The following CAMK2G variants were observed in gnomAD, a reference collection of about 807,000 sequenced individuals.
The protein encoded by CAMK2G is calcium/calmodulin dependent protein kinase II gamma.
CAMK2G carries 23 observed loss-of-function variants against 88.7 expected under a neutral mutation model. The ratio of observed to expected loss-of-function variants is 0.26; its 90% CI spans 0.19 to 0.37. The LOEUF is 0.37. CAMK2G is among the 10% of genes least tolerant of loss of function. The probability of loss-of-function intolerance (pLI) is 1.00; values close to 1 mark genes in which losing one functional copy is unlikely to be tolerated. For missense variants in CAMK2G, 476 were observed against 780.8 expected, an observed-to-expected ratio of 0.61 and a Z score of 4.65; for synonymous variants, 263 against 294.8, an observed-to-expected ratio of 0.89 and a Z score of 1.11.
At chr10:73,820,492 A>ATATATATATATATTTTT (rs1554995765) in intron 18 of CAMK2G, among the ~76,000 whole-genome samples, 1 of 51,052 alleles carries the variant, frequency 2.0e-5, no homozygotes, top group Non-Finnish European at 3.4e-5. Context: ...ATATATATAT[A>ATATATATATATATTTTT]TTTTTTTTTT....
chr10:73,819,064 A>C (rs1468816267), intron 19 of CAMK2G, among the ~76,000 whole-genome samples: 2 of 152,200 alleles, frequency 1.3e-5, no homozygotes, highest in Non-Finnish European at 2.9e-5. Flanking sequence ...TCTTGAAGGC[A>C]GTGTAGCTGG....
rs549348734 is a variant in CAMK2G at position 73,818,954 on chromosome 10, A to C, written c.1363+578T>G. On this transcript the variant is annotated intron_variant, in intron 19 of 22. Transcript: ENST00000423381. ...TCGAGGCACCGTATCAAGACTTCCT[A>C]CTGCCTTGTCTTTTATCTAACAAGG... The C allele has an allele frequency of 1.1e-4, 43 of 390,218 alleles. No individual in the cohort carries two copies. In the Middle Eastern group the frequency reaches 0.01, roughly 94 times the overall value. 24.2% of individuals were successfully genotyped at this position (390,218 alleles called of 1,614,324 possible).
intron 2 of CAMK2G, among the ~76,000 whole-genome samples, chr10:73,867,098 G>A (rs1445709499): frequency 6.6e-6 from 1 of 152,194 alleles, no homozygotes; most frequent in Non-Finnish European, 1.5e-5. Flanking sequence ...GGCCTGAAAT[G>A]GTCCCATGTG....
rs1424758078 is a variant in CAMK2G, at chr10:73,848,122, T to C, written c.602-40A>G. 1 of 1,252,236 alleles carries C rather than the reference T, an allele frequency of 8.0e-7. No homozygotes were observed. The highest frequency in any genetic ancestry group is 2.3e-5 in the East Asian group (1 of 43,142). The allele number at this position is 1,252,236 out of a possible 1,614,324, so 77.6% of individuals were successfully genotyped here. ...ACACAGGTCATGGGGGTCAGTCGCC[T>C]ACTTCCCTGAGGAACCAAGAAAAAC... is the stretch of plus-strand genomic sequence containing the variant. On this transcript the variant is annotated intron_variant, in intron 8 of 22. Coordinates refer to ENST00000423381, the MANE Select transcript of CAMK2G (RefSeq NM_001367534.1). The surrounding 1 kb of genome is among the most constrained non-coding windows in gnomAD (Gnocchi z 4.5).
chr10:73,830,764 T>C (rs764325279), intron 14 of CAMK2G, among the ~76,000 whole-genome samples: 5 of 152,162 alleles, frequency 3.3e-5, no homozygotes, highest in Non-Finnish European at 7.3e-5. Context: ...GGCATCCAGC[T>C]TCAAAGAAAT....
At chr10:73,850,261 T>C (rs1045556198) in intron 5 of CAMK2G, among the ~76,000 whole-genome samples, 4 of 152,194 alleles carry the variant, frequency 2.6e-5, no homozygotes, top group Middle Eastern at 3.2e-3. Context: ...CCTCTCAGTG[T>C]TGGGATTACA....
intron 1 of CAMK2G, among the ~76,000 whole-genome samples, chr10:73,873,947 C>A (rs948211467): frequency 8.7e-5 from 1 of 11,508 alleles, no homozygotes. Context: ...CCGCGGGGGG[C>A]GGGGCCGGGC....
rs532657434 is a variant in CAMK2G, at chr10:73,853,355, C to T, written c.221-109G>A. The T allele has an allele frequency of 4.3e-6, 4 of 940,978 alleles. No individual in the cohort carries two copies. In the East Asian group the frequency reaches 7.7e-5, roughly 18 times the overall value. 58.3% of individuals were successfully genotyped at this position (940,978 alleles called of 1,614,324 possible). A position where few individuals can be genotyped will look rare whatever the true frequency, so the allele number is the denominator to read the frequency against. Reference sequence around the variant, plus strand: ...CCCATCCTGTCGGGCTCACAGGGCTCTCCAGAAGGAGCAGTGGGGGGAAGT... The same window carrying T: ...CCCATCCTGTCGGGCTCACAGGGCTTTCCAGAAGGAGCAGTGGGGGGAAGT... On this transcript the variant is annotated intron_variant, in intron 3 of 22. Coordinates refer to ENST00000423381, the MANE Select transcript of CAMK2G (RefSeq NM_001367534.1).
chr10:73,824,190 C>T, intron 16 of CAMK2G, 106 bp from the exon 17 acceptor site: 3 of 774,286 alleles, frequency 3.9e-6, no homozygotes, highest in South Asian at 1.5e-5. Context: ...CTATGATGAC[C>T]ACTGAGGCCT....
chr10:73,866,329 C>T (rs2095591255), intron 2 of CAMK2G, among the ~76,000 whole-genome samples: 1 of 152,162 alleles, frequency 6.6e-6, no homozygotes, highest in Non-Finnish European at 1.5e-5. Context: ...GAACCACCTC[C>T]CCCTCTGGCC....
At chr10:73,873,271 C>A in intron 1 of CAMK2G, 188 bp from the exon 2 acceptor site, 1 of 1,190,866 alleles carries the variant, frequency 8.4e-7, no homozygotes, top group Non-Finnish European at 1.2e-6. Context: ...CCGCAGGACA[C>A]TGAACAGATG....
chr10:73,823,251 C>T (rs1222725196), intron 17 of CAMK2G, among the ~76,000 whole-genome samples: 2 of 150,820 alleles, frequency 1.3e-5, no homozygotes, highest in South Asian at 2.1e-4. Flanking sequence ...AGTCTCACTG[C>T]GTAGCCCAAG....
intron 10 of CAMK2G, among the ~76,000 whole-genome samples, chr10:73,845,793 T>A (rs559896468): frequency 6.6e-6 from 1 of 152,198 alleles, no homozygotes; most frequent in South Asian, 2.1e-4. Context: ...CCCCCATCCT[T>A]ACCCTCTGCT....
At chr10:73,817,169 TCTTC>T in intron 20 of CAMK2G, 52 bp from the exon 21 acceptor site, 1 of 1,552,826 alleles carries the variant, frequency 6.4e-7, no homozygotes, top group African/African-American at 1.4e-5. Flanking sequence ...GAGTGACTTG[TCTTC>T]CTTCCTTATC....
At chr10:73,872,474 C>A (rs1265606701) in intron 2 of CAMK2G, among the ~76,000 whole-genome samples, 3 of 152,244 alleles carry the variant, frequency 2.0e-5, no homozygotes, top group Non-Finnish European at 4.4e-5. Context: ...GAGAAGCCCT[C>A]GCCAGTAGCA....
chr10:73,862,791 G>T (rs1387751270), intron 2 of CAMK2G, among the ~76,000 whole-genome samples: 1 of 152,182 alleles, frequency 6.6e-6, no homozygotes, highest in African/African-American at 2.4e-5. Context: ...AATTATCCAG[G>T]CCCGGGCAGG....
intron 14 of CAMK2G, among the ~76,000 whole-genome samples, chr10:73,831,551 A>G (rs926049132): frequency 1.3e-5 from 2 of 150,542 alleles, no homozygotes; most frequent in African/African-American, 2.4e-5. Flanking sequence ...AAAAAAAAAA[A>G]AAAAAAAAGA....
intron 9 of CAMK2G, among the ~76,000 whole-genome samples, chr10:73,847,634 C>T (rs1302099094): frequency 6.6e-6 from 1 of 152,186 alleles, no homozygotes; most frequent in Non-Finnish European, 1.5e-5. Context: ...TAGGAGGGAA[C>T]AGAGGCTCAG....
chr10:73,823,585 G>C (rs2089904592), intron 17 of CAMK2G, among the ~76,000 whole-genome samples: 1 of 152,182 alleles, frequency 6.6e-6, no homozygotes, highest in African/African-American at 2.4e-5. Context: ...CAGATAATTT[G>C]TCTTGTCACC....
Sources: allele counts gnomAD v4.1 joint callset (sites outside exome capture counted in the v4.1 genomes callset), GRCh38; gene constraint gnomAD v4.1.1; non-coding constraint Gnocchi (gnomAD v3.1); transcripts MANE v1.5; gene names NCBI Gene and HGNC (gene_info 2026-07-23, HGNC 2026-07-21).